Variants in EPHA3 observed in about 807,000 individuals in gnomAD.
EPHA3 encodes the protein ephrin type-A receptor 3.
Under a neutral mutation model 107.1 loss-of-function variants are expected in EPHA3, and 42 were observed. The observed-to-expected ratio is 0.39, with a 90% CI of 0.31 to 0.51. The LOEUF (loss-of-function observed/expected upper bound fraction) is 0.51, where lower values mean the gene tolerates loss of function less well. EPHA3 is among the 20% of genes least tolerant of loss of function. The probability of loss-of-function intolerance (pLI) is 0.78; values close to 1 mark genes in which losing one functional copy is unlikely to be tolerated. For synonymous variants in EPHA3, 461 were observed against 424.8 expected, an observed-to-expected ratio of 1.09 and a Z score of -1.05; for missense variants, 1,183 against 1,211.2, an observed-to-expected ratio of 0.98 and a Z score of 0.35.
chr3:89,370,982 G>C (rs1708289432), intron 5 of EPHA3, among the ~76,000 whole-genome samples: 1 of 151,444 alleles, frequency 6.6e-6, no homozygotes, highest in African/African-American at 2.4e-5. Flanking sequence ...TGGATATAAA[G>C]TAAGAAAATA....
chr3:89,151,883 A>T (rs1236945824), intron 2 of EPHA3, among the ~76,000 whole-genome samples: 1 of 152,058 alleles, frequency 6.6e-6, no homozygotes. Context: ...AAGTAAGAAA[A>T]CTTTTCTCCA....
intron 16 of EPHA3, among the ~76,000 whole-genome samples, chr3:89,478,542 T>G (rs1237833147): frequency 6.6e-6 from 1 of 152,204 alleles, no homozygotes; most frequent in Non-Finnish European, 1.5e-5. Context: ...TGGTCTCACC[T>G]GGGATTGTAG....
At chr3:89,370,257 C>T (rs1189018848) in intron 5 of EPHA3, among the ~76,000 whole-genome samples, 1 of 151,300 alleles carries the variant, frequency 6.6e-6, no homozygotes, top group Non-Finnish European at 1.5e-5. Context: ...GGAATCAACC[C>T]AAATGTCCAA....
Position 89,322,390 on chromosome 3 carries a change from G to T in EPHA3, c.815-18526G>T, listed in dbSNP as rs138504048. Among the ~76,000 whole-genome samples the T allele has an allele frequency of 2.5e-4, 38 of 152,164 alleles. No individual in the cohort carries two copies. The East Asian group carries it at 5.6e-3, about 22-fold the overall frequency. ...AAAACTATGAGACAGAGGAGACATTGGTCAGTGTCAACATGATATAAATTT... is the reference window on the plus strand; with the variant it reads ...AAAACTATGAGACAGAGGAGACATTTGTCAGTGTCAACATGATATAAATTT... On this transcript the variant is annotated intron_variant, in intron 3 of 16. Transcript: ENST00000336596.
At chr3:89,110,146 T>A (rs755553393) in intron 1 of EPHA3, among the ~76,000 whole-genome samples, 40 of 151,990 alleles carry the variant, frequency 2.6e-4, no homozygotes, top group Non-Finnish European at 5.0e-4. Context: ...CTGATATAAT[T>A]TTTTAATTTT....
At position 89,121,771 on chromosome 3, in the gene EPHA3, AT is replaced by A. The variant is rs755347718; in HGVS notation, c.89-5436del. 3.4e-3 allele frequency among the ~76,000 whole-genome samples: 488 copies of A among 144,376 alleles called. 2 individuals carry two copies. The highest frequency in any genetic ancestry group is 4.6e-3 in the Non-Finnish European group (304 of 65,432). 94.7% of individuals were successfully genotyped at this position (144,376 alleles called of 152,430 possible). ...ACCCCGTCTCAAAAAAAAAAAAAAA[AT>A]TATGCTTGGGTAGAAAGAAAATAAA... On this transcript the variant is annotated intron_variant, in intron 1 of 16. Transcript: ENST00000336596.
At chr3:89,428,419 G>A (rs192063844) in intron 11 of EPHA3, among the ~76,000 whole-genome samples, 138 of 152,080 alleles carry the variant, frequency 9.1e-4, no homozygotes, top group African/African-American at 3.2e-3. Context: ...TGGGTTAAAG[G>A]TTTCATGGTA....
Position 89,113,485 on chromosome 3 carries a change from C to CAAAAAAAAAAAAAAAA in EPHA3, c.88+5662_88+5677dup. On this transcript the variant is annotated intron_variant, in intron 1 of 16. Coordinates refer to ENST00000336596, the MANE Select transcript of EPHA3 (RefSeq NM_005233.6). ...TTGCCTCCTACCAGCTTCCTTTGTACAAAAAAAAAAAAAAAAAAAAAAAAA... is the reference window on the plus strand; with the variant it reads ...TTGCCTCCTACCAGCTTCCTTTGTACAAAAAAAAAAAAAAAAAAAAAAAAAAAAAAAAAAAAAAAAA... Among the ~76,000 whole-genome samples, 15 of 31,098 alleles carry CAAAAAAAAAAAAAAAA rather than the reference C, an allele frequency of 4.8e-4. 4 individuals are homozygous for CAAAAAAAAAAAAAAAA. Among genetic ancestry groups the CAAAAAAAAAAAAAAAA allele is most frequent in the Admixed American group, 3.3e-3 (4 of 1,210 alleles). 20.4% of individuals were successfully genotyped at this position (31,098 alleles called of 152,430 possible).
chr3:89,186,262 C>G (rs987660944), intron 2 of EPHA3, among the ~76,000 whole-genome samples: 1 of 152,028 alleles, frequency 6.6e-6, no homozygotes, highest in African/African-American at 2.4e-5. Context: ...GTAACTTCCT[C>G]TACACCTAAC....
At chr3:89,205,837 T>G (rs1706088405) in intron 2 of EPHA3, among the ~76,000 whole-genome samples, 1 of 152,044 alleles carries the variant, frequency 6.6e-6, no homozygotes, top group African/African-American at 2.4e-5. Flanking sequence ...AGACAATTTC[T>G]TTAGCAGGAT....
intron 3 of EPHA3, among the ~76,000 whole-genome samples, chr3:89,222,619 G>A (rs12496279): frequency 0.074 from 11,161 of 151,456 alleles, 549 homozygotes; most frequent in Middle Eastern, 0.14. Context: ...TTTAGTAAAT[G>A]TGTACTTATA....
chr3:89,294,465 T>C (rs756520054), intron 3 of EPHA3, among the ~76,000 whole-genome samples: 3 of 152,182 alleles, frequency 2.0e-5, no homozygotes, highest in Non-Finnish European at 4.4e-5. Flanking sequence ...TCATTTTTGG[T>C]AGTTTCATTT....
intron 5 of EPHA3, among the ~76,000 whole-genome samples, chr3:89,378,987 T>A (rs1444509070): frequency 6.6e-6 from 1 of 152,162 alleles, no homozygotes. Context: ...GCTCCAAAAT[T>A]TATGGCTAGC....
chr3:89,209,111 G>A lies in EPHA3; in HGVS notation c.154-749G>A, dbSNP rs1393023103. Among the ~76,000 whole-genome samples, 7 of 152,240 alleles carry A rather than the reference G, an allele frequency of 4.6e-5. No individual in the cohort carries two copies. The East Asian group carries it at 1.3e-3, about 29-fold the overall frequency. ...TTTAAAGGTTTTTACAGTGATAAAA[G>A]TTGTTCTAAGATAACCTTAACTGCT... On this transcript the variant is annotated intron_variant, in intron 2 of 16. Coordinates refer to ENST00000336596, the MANE Select transcript of EPHA3 (RefSeq NM_005233.6).
At chr3:89,327,053 A>G (rs1385834064) in intron 3 of EPHA3, among the ~76,000 whole-genome samples, 1 of 152,120 alleles carries the variant, frequency 6.6e-6, no homozygotes, top group Non-Finnish European at 1.5e-5. Context: ...TCATTCTAGT[A>G]CATGGTAAGA....
At chr3:89,340,219 A>T (rs1214833435) in intron 3 of EPHA3, among the ~76,000 whole-genome samples, 1 of 152,216 alleles carries the variant, frequency 6.6e-6, no homozygotes, top group Admixed American at 6.5e-5. Flanking sequence ...TAAAAAGATA[A>T]CACAGTTATT....
intron 5 of EPHA3, 80 bp downstream of exon 5, chr3:89,342,170 G>A (rs995583086): frequency 3.4e-5 from 44 of 1,311,132 alleles, no homozygotes; most frequent in South Asian, 4.8e-5. Flanking sequence ...AAAACTGGGC[G>A]GAAGGAAAAA....
intron 15 of EPHA3, among the ~76,000 whole-genome samples, chr3:89,455,430 G>A (rs1174088010): frequency 6.6e-6 from 1 of 152,208 alleles, no homozygotes; most frequent in Admixed American, 6.5e-5. Flanking sequence ...AAGGGAGTCT[G>A]TCATGAACCT....
At chr3:89,324,000 T>C (rs570549680) in intron 3 of EPHA3, among the ~76,000 whole-genome samples, 1 of 152,152 alleles carries the variant, frequency 6.6e-6, no homozygotes, top group East Asian at 1.9e-4. Flanking sequence ...CACGATTTAC[T>C]ACAGCAAATG....
Sources: allele counts gnomAD v4.1 joint callset (sites outside exome capture counted in the v4.1 genomes callset), GRCh38; gene constraint gnomAD v4.1.1; transcripts MANE v1.5; gene names NCBI Gene and HGNC (gene_info 2026-07-23, HGNC 2026-07-21).